ZNF333: variants seen among roughly 807,000 people sequenced by gnomAD.
The protein encoded by ZNF333 is zinc finger protein 333.
ZNF333 carries 61 observed loss-of-function variants against 76.1 expected under a neutral mutation model. The ratio of observed to expected loss-of-function variants is 0.80; its 90% CI spans 0.65 to 0.99. ZNF333 has a LOEUF of 0.99. ZNF333 is among the 50% of genes least tolerant of loss of function. ZNF333 has a pLI of 0.00. For missense variants in ZNF333, 717 were observed against 822.4 expected (o/e 0.87, Z 1.57); for synonymous variants, 284 against 305.0 (o/e 0.93, Z 0.72).
chr19:14,707,843 G>A lies in ZNF333; in HGVS notation c.511+1070G>A, dbSNP rs111650041. On this transcript the variant is annotated intron_variant, in intron 7 of 11. Transcript: ENST00000292530. ...TGGGATTACAGGCGTGAGCCACCGC[G>A]CCCGGCCATAAACTTTGTTTCTTAA... The A allele has an allele frequency of 2.4e-3, 914 of 387,000 alleles. 8 individuals are homozygous for A. The highest frequency in any genetic ancestry group is 0.017 in the African/African-American group (816 of 48,314). The allele number at this position is 387,000 out of a possible 1,614,324, so 24.0% of individuals were successfully genotyped here. A position where few individuals can be genotyped will look rare whatever the true frequency, so the allele number is the denominator to read the frequency against.
downstream of ZNF333, among the ~76,000 whole-genome samples, chr19:14,724,794 G>T (rs1000798363): frequency 6.6e-6 from 1 of 152,048 alleles, no homozygotes; most frequent in African/African-American, 2.4e-5. Flanking sequence ...TTAAAAATTT[G>T]GCTATTCCTC....
chr19:14,713,159 G>A (rs1026952814), intron 7 of ZNF333, among the ~76,000 whole-genome samples: 1 of 152,078 alleles, frequency 6.6e-6, no homozygotes, highest in Non-Finnish European at 1.5e-5. Flanking sequence ...CTCCATCTGC[G>A]AACCTGTGAG....
At chr19:14,727,230 G>A (rs1020624051) in intron 11 of ZNF333, among the ~76,000 whole-genome samples, 43 of 152,046 alleles carry the variant, frequency 2.8e-4, no homozygotes, top group Non-Finnish European at 3.4e-4. Context: ...GGGTTTCACC[G>A]TGCTAGCCAG....
At position 14,690,165 on chromosome 19, in the gene ZNF333, C is replaced by T. The variant is rs1972642772; in HGVS notation, c.-42+15C>T. 3.4e-5 allele frequency: 2 copies of T among 59,372 alleles called. No individual in the cohort carries two copies. Among genetic ancestry groups the T allele is most frequent in the Admixed American group, 1.5e-4 (1 of 6,504 alleles). The allele number at this position is 59,372 out of a possible 1,614,324, so 3.7% of individuals were successfully genotyped here. A position where few individuals can be genotyped will look rare whatever the true frequency, so the allele number is the denominator to read the frequency against. On this transcript the variant is annotated intron_variant, in intron 1 of 11. Transcript: ENST00000292530. Reference sequence around the variant, plus strand: ...CTGGCTTGCAGGTGTGGCCCGGCCCCTCGGGAGGGCGGGGAGGGCGGGGAG... The same window carrying T: ...CTGGCTTGCAGGTGTGGCCCGGCCCTTCGGGAGGGCGGGGAGGGCGGGGAG...
intron 7 of ZNF333, 200 bp downstream of exon 7, chr19:14,706,973 G>C (rs778457496): frequency 5.8e-6 from 3 of 520,488 alleles, no homozygotes; most frequent in African/African-American, 2.0e-5. Flanking sequence ...CTTTAAGAAA[G>C]AGAGGGCTCA....
chr19:14,710,043 C>T (rs1318589874), intron 7 of ZNF333, among the ~76,000 whole-genome samples: 3 of 152,182 alleles, frequency 2.0e-5, no homozygotes, highest in African/African-American at 7.2e-5. Context: ...GAGCAGAGAA[C>T]TGGTTGCATC....
At chr19:14,728,129 C>T (rs2524361) in intron 11 of ZNF333, among the ~76,000 whole-genome samples, 41,722 of 151,978 alleles carry the variant, frequency 0.27, 5,959 homozygotes, top group Middle Eastern at 0.38. Context: ...AGGAGAATGG[C>T]GTGAGCCTGG....
At chr19:14,706,863 T>G (rs1277948796) in intron 7 of ZNF333, 90 bp downstream of exon 7, 2 of 1,101,028 alleles carry the variant, frequency 1.8e-6, no homozygotes, top group African/African-American at 3.2e-5. Flanking sequence ...TGCCTGCATT[T>G]CCTCTGACTG....
chr19:14,727,096 T>C (rs557892537), intron 11 of ZNF333, among the ~76,000 whole-genome samples: 9 of 143,702 alleles, frequency 6.3e-5, no homozygotes, highest in Non-Finnish European at 1.0e-4. Flanking sequence ...GGCGCAATCT[T>C]GGCTCACTAC....
chr19:14,716,332 C>T (rs1196493764), intron 9 of ZNF333, 94 bp downstream of exon 9: 12 of 1,427,766 alleles, frequency 8.4e-6, no homozygotes, highest in Non-Finnish European at 1.1e-5. Context: ...GACCTTGGCT[C>T]ACTGCAACCT....
intron 7 of ZNF333, among the ~76,000 whole-genome samples, chr19:14,709,436 A>C (rs1304603386): frequency 6.6e-6 from 1 of 152,232 alleles, no homozygotes; most frequent in Non-Finnish European, 1.5e-5. Flanking sequence ...AGACTTCAAG[A>C]TATGAATTTT....
chr19:14,698,935 T>TAGATAGATATATATAC (rs1180611568), intron 4 of ZNF333, among the ~76,000 whole-genome samples: 2,411 of 139,220 alleles, frequency 0.017, 35 homozygotes, highest in Admixed American at 0.028. Context: ...TATATATATA[T>TAGATAGATATATATAC]ACACACATAT....
chr19:14,716,350 C>T, intron 9 of ZNF333, 112 bp downstream of exon 9: 2 of 1,301,764 alleles, frequency 1.5e-6, no homozygotes, highest in Non-Finnish European at 2.1e-6. Context: ...CCTCCGCTTC[C>T]TGGGCTCAGG....
rs1266798370 is a variant in ZNF333 at position 14,721,311 on chromosome 19, T to C, written c.*1986T>C. On this transcript the variant is annotated 3_prime_UTR_variant, in exon 12 of 12. Transcript: ENST00000292530. ...TTTTTTTTTTTTTTTTTTTTGGTTT[T>C]AAAGTTCTCTTAGGTATAACTTACA... The C allele has an allele frequency of 7.7e-6, 1 of 129,228 alleles. No homozygotes were observed. The highest frequency in any genetic ancestry group is 3.0e-5 in the African/African-American group (1 of 33,698). The allele number at this position is 129,228 out of a possible 1,614,324, so 8.0% of individuals were successfully genotyped here.
At chr19:14,708,573 C>T (rs2042186331) in intron 7 of ZNF333, 1 of 379,134 alleles carries the variant, frequency 2.6e-6, no homozygotes, top group East Asian at 3.8e-5. Flanking sequence ...TGATAATGGG[C>T]TACTGCAGCA....
chr19:14,707,473 A>G (rs1452303473), intron 7 of ZNF333, among the ~76,000 whole-genome samples: 1 of 151,968 alleles, frequency 6.6e-6, no homozygotes, highest in East Asian at 1.9e-4. Context: ...TAGAAGACAA[A>G]TAACATTTTA....
chr19:14,716,066 T>G (rs1229216857), intron 8 of ZNF333, 46 bp from the exon 9 acceptor site: 1 of 1,610,374 alleles, frequency 6.2e-7, no homozygotes, highest in Non-Finnish European at 8.5e-7. Flanking sequence ...TCTGGCGTAC[T>G]GGTGGGGGTG....
chr19:14,711,542 C>A (rs1199977943), intron 7 of ZNF333, among the ~76,000 whole-genome samples: 1 of 152,098 alleles, frequency 6.6e-6, no homozygotes, highest in African/African-American at 2.4e-5. Flanking sequence ...GTTGTGTGCA[C>A]CTGTGGTCTC....
rs2042426081 is a variant in ZNF333 at position 14,716,202 on chromosome 19, G to A, written c.691G>A (p.Val231Met). The part of the protein sequence containing the change: ...DSTQRSLYRD[V>M]MLENYRNLAS... The stretch of plus-strand genomic sequence containing the variant: ...TACTCAGAGGAGCCTGTATAGAGAT[G>A]TGATGCTGGAGAACTACAGGAACCT... Residue 231 changes from valine (V) to methionine (M), a missense_variant, in exon 9 of 12, where the codon GTG becomes ATG. Coordinates refer to ENST00000292530, the MANE Select transcript of ZNF333 (RefSeq NM_032433.4). 6.2e-7 allele frequency: 1 copy of A among 1,614,112 alleles called. No individual in the cohort carries two copies. The highest frequency in any genetic ancestry group is 8.5e-7 in the Non-Finnish European group (1 of 1,179,998).
Sources: gnomAD v4.1 joint callset for allele counts (sites outside exome capture counted in the v4.1 genomes callset) on GRCh38, gnomAD v4.1.1 for gene constraint, MANE v1.5 for transcripts, NCBI Gene and HGNC (gene_info 2026-07-23, HGNC 2026-07-21) for gene names.